The following OPCML variants were observed in gnomAD, a reference collection of about 807,000 sequenced individuals.
OPCML encodes opioid-binding protein/cell adhesion molecule.
In OPCML, 13 loss-of-function variants were observed where a neutral mutation model predicts 37.8. That is an observed-to-expected ratio of 0.34 (90% CI 0.22 to 0.55). The LOEUF (loss-of-function observed/expected upper bound fraction) is 0.55. OPCML is among the 20% of genes least tolerant of loss of function. OPCML has a pLI of 0.91. For missense variants in OPCML, 341 were observed against 435.6 expected (o/e 0.78, Z 1.93); for synonymous variants, 176 against 168.8 (o/e 1.04, Z -0.33).
rs148766831 is a variant in OPCML, at chr11:133,156,481, G to A, written c.62-213471C>T. Reference sequence around the variant, plus strand: ...CTACGCCAAGAGACCAGCCAGCTGAGCACATGCATTCCAGTCATCTCTATT... The same window carrying A: ...CTACGCCAAGAGACCAGCCAGCTGAACACATGCATTCCAGTCATCTCTATT... On this transcript the variant is annotated intron_variant, in intron 1 of 7. Transcript: ENST00000524381. Among the ~76,000 whole-genome samples the A allele has an allele frequency of 3.6e-3, 552 of 152,312 alleles. 1 individual carries two copies. Among genetic ancestry groups the A allele is most frequent in the Non-Finnish European group, 5.6e-3 (381 of 68,038 alleles).
chr11:133,194,033 T>C (rs956378530), intron 1 of OPCML, among the ~76,000 whole-genome samples: 101 of 152,300 alleles, frequency 6.6e-4, no homozygotes, highest in Non-Finnish European at 1.4e-3. Context: ...CTGTCCTAGA[T>C]ATAAATGTCC....
At position 132,564,901 on chromosome 11, in the gene OPCML, C is replaced by G. The variant is rs142506391; in HGVS notation, c.380-35715G>C. ...AGACATTCTACTCTTGCCTCCTCAT[C>G]TTATTAATAGGGTCCTGGGAATGCC... is the stretch of plus-strand genomic sequence containing the variant. On this transcript the variant is annotated intron_variant, in intron 3 of 7. Transcript: ENST00000524381. 3.6e-3 allele frequency among the ~76,000 whole-genome samples: 552 copies of G among 152,276 alleles called. 2 individuals are homozygous for G. Among genetic ancestry groups the G allele is most frequent in the Middle Eastern group, 0.024 (7 of 294 alleles).
intron 1 of OPCML, among the ~76,000 whole-genome samples, chr11:133,181,700 T>C (rs113543022): frequency 0.014 from 2,110 of 152,228 alleles, 17 homozygotes; most frequent in Non-Finnish European, 0.02. Context: ...GATTGGCAAA[T>C]GCTGCCATCA....
chr11:132,645,144 G>A (rs1318108017), intron 3 of OPCML, among the ~76,000 whole-genome samples: 3 of 152,160 alleles, frequency 2.0e-5, no homozygotes, highest in Admixed American at 1.3e-4. Context: ...CAAAGTGACT[G>A]TGTTAGAAAT....
chr11:133,077,073 G>C (rs1326915605), intron 1 of OPCML, among the ~76,000 whole-genome samples: 1 of 152,068 alleles, frequency 6.6e-6, no homozygotes, highest in Non-Finnish European at 1.5e-5. Flanking sequence ...CTGCAACAGA[G>C]AGTATCACTC....
At chr11:133,287,052 G>C (rs1942318801) in intron 1 of OPCML, among the ~76,000 whole-genome samples, 1 of 152,144 alleles carries the variant, frequency 6.6e-6, no homozygotes, top group Admixed American at 6.5e-5. Context: ...AGAAACACTA[G>C]TGAGAGCAAT....
intron 2 of OPCML, among the ~76,000 whole-genome samples, chr11:132,703,134 T>G (rs1431349514): frequency 6.6e-6 from 1 of 152,152 alleles, no homozygotes; most frequent in Non-Finnish European, 1.5e-5. Context: ...TTAGGTGATT[T>G]TGTTGTGCAA....
intron 4 of OPCML, among the ~76,000 whole-genome samples, chr11:132,456,322 T>G (rs1436607740): frequency 6.6e-6 from 1 of 152,226 alleles, no homozygotes; most frequent in East Asian, 1.9e-4. Flanking sequence ...TCCAAGACCT[T>G]GAGAATTAAA....
chr11:132,913,130 A>G (rs978605699), intron 2 of OPCML, among the ~76,000 whole-genome samples: 1 of 152,220 alleles, frequency 6.6e-6, no homozygotes, highest in Non-Finnish European at 1.5e-5. Flanking sequence ...AGTAAGACAT[A>G]AACAAATCAC....
chr11:132,976,302 G>A (rs1184017915), intron 1 of OPCML, among the ~76,000 whole-genome samples: 1 of 152,154 alleles, frequency 6.6e-6, no homozygotes, highest in African/African-American at 2.4e-5. Context: ...GTGGGGGGAG[G>A]GGTTAAAATT....
At chr11:132,650,745 G>A (rs956280661) in intron 3 of OPCML, among the ~76,000 whole-genome samples, 1 of 152,138 alleles carries the variant, frequency 6.6e-6, no homozygotes, top group Non-Finnish European at 1.5e-5. Context: ...TTTAGGAGCC[G>A]AGCGCAGGGC....
chr11:132,819,797 T>C (rs1939865587), intron 2 of OPCML, among the ~76,000 whole-genome samples: 1 of 152,212 alleles, frequency 6.6e-6, no homozygotes, highest in African/African-American at 2.4e-5. Context: ...AGTAAGTCAC[T>C]TTAAGTATAC....
At chr11:133,133,592 C>T (rs1949637275) in intron 1 of OPCML, among the ~76,000 whole-genome samples, 1 of 152,120 alleles carries the variant, frequency 6.6e-6, no homozygotes, top group Non-Finnish European at 1.5e-5. Flanking sequence ...TATGCCATCC[C>T]CCAGGAAGTG....
intron 1 of OPCML, among the ~76,000 whole-genome samples, chr11:133,509,562 C>G (rs147606175): frequency 6.6e-6 from 1 of 152,194 alleles, no homozygotes; most frequent in African/African-American, 2.4e-5. Context: ...CATACTCACT[C>G]TGAGATTGTC....
chr11:132,779,159 G>T (rs766923877), intron 2 of OPCML, among the ~76,000 whole-genome samples: 1 of 151,870 alleles, frequency 6.6e-6, no homozygotes, highest in Non-Finnish European at 1.5e-5. Context: ...ATAGACACAG[G>T]GTTTCGCCAT....
At chr11:133,164,895 C>T (rs1017181848) in intron 1 of OPCML, among the ~76,000 whole-genome samples, 14 of 152,264 alleles carry the variant, frequency 9.2e-5, no homozygotes, top group African/African-American at 2.4e-4. Flanking sequence ...CATTTGCTTC[C>T]GATGAAACTG....
chr11:133,358,471 C>T (rs765073853), intron 1 of OPCML, among the ~76,000 whole-genome samples: 7 of 152,186 alleles, frequency 4.6e-5, no homozygotes, highest in Admixed American at 2.6e-4. Flanking sequence ...ATTATTTCTT[C>T]GTCGTCATTT....
intron 3 of OPCML, among the ~76,000 whole-genome samples, chr11:132,643,898 T>G (rs1357372245): frequency 6.6e-6 from 1 of 152,190 alleles, no homozygotes; most frequent in Non-Finnish European, 1.5e-5. Flanking sequence ...AAAAATTGAC[T>G]GCAAACTTTG....
intron 1 of OPCML, among the ~76,000 whole-genome samples, chr11:133,414,913 T>C (rs1490690988): frequency 1.3e-5 from 2 of 152,006 alleles, no homozygotes; most frequent in African/African-American, 4.8e-5. Flanking sequence ...TGACATCTGT[T>C]GCTAGGAGTG....
Sources: gnomAD v4.1 joint callset for allele counts (sites outside exome capture counted in the v4.1 genomes callset) on GRCh38, gnomAD v4.1.1 for gene constraint, MANE v1.5 for transcripts, NCBI Gene and HGNC (gene_info 2026-07-23, HGNC 2026-07-21) for gene names.